SCAI: variants seen among roughly 807,000 people sequenced by gnomAD.
SCAI encodes the protein suppressor of cancer cell invasion, also known as protein SCAI.
A neutral mutation model predicts 92.2 loss-of-function variants in SCAI; 24 were observed. That is an observed-to-expected ratio of 0.26 (90% CI 0.19 to 0.37). The LOEUF is 0.37. Among genes scored for constraint, SCAI ranks in the 10% least tolerant of loss-of-function variants. SCAI has a pLI of 1.00. For synonymous variants in SCAI, 261 were observed against 258.6 expected (o/e 1.01, Z -0.09); for missense variants, 450 against 736.2 (o/e 0.61, Z 4.50).
chr9:125,035,456 G>T (rs771483512), intron 3 of SCAI, among the ~76,000 whole-genome samples: 3 of 152,154 alleles, frequency 2.0e-5, no homozygotes, highest in Non-Finnish European at 2.9e-5. Flanking sequence ...GAATCAAAGG[G>T]ATACCATCAA....
intron 2 of SCAI, among the ~76,000 whole-genome samples, chr9:125,140,819 A>C (rs1835649456): frequency 6.6e-6 from 1 of 151,560 alleles, no homozygotes; most frequent in Admixed American, 6.6e-5. Context: ...AGATTGCACC[A>C]CTGCACTACA....
At chr9:124,971,107 G>A (rs1266250601) in intron 17 of SCAI, among the ~76,000 whole-genome samples, 4 of 152,044 alleles carry the variant, frequency 2.6e-5, no homozygotes, top group Non-Finnish European at 5.9e-5. Context: ...GAGCCACCAC[G>A]GCCAGCCAGA....
At chr9:125,138,021 T>C (rs1489597581) in intron 2 of SCAI, among the ~76,000 whole-genome samples, 2 of 152,196 alleles carry the variant, frequency 1.3e-5, no homozygotes, top group South Asian at 2.1e-4. Flanking sequence ...AAAGCAACCA[T>C]TAGCAATGAT....
intron 17 of SCAI, among the ~76,000 whole-genome samples, chr9:124,971,002 A>G (rs1471995670): frequency 1.3e-5 from 2 of 151,886 alleles, no homozygotes. Flanking sequence ...TTTAGTAGAG[A>G]AGGAGTTTCA....
chr9:125,026,966 T>A (rs1832976532), intron 5 of SCAI, 56 bp from the exon 6 acceptor site: 1 of 1,027,560 alleles, frequency 9.7e-7, no homozygotes, highest in South Asian at 1.4e-5. Context: ...TTCACCATGG[T>A]AAATACTTGT....
At chr9:125,071,655 C>T (rs1833981826) in intron 2 of SCAI, among the ~76,000 whole-genome samples, 1 of 152,018 alleles carries the variant, frequency 6.6e-6, no homozygotes, top group Non-Finnish European at 1.5e-5. Context: ...ATCTAACACA[C>T]ACAATTACAC....
chr9:124,993,760 C>T (rs1040364302), intron 14 of SCAI, among the ~76,000 whole-genome samples: 1 of 152,004 alleles, frequency 6.6e-6, no homozygotes, highest in African/African-American at 2.4e-5. Flanking sequence ...AAAATGTATA[C>T]TTGGGGTCAG....
At chr9:125,131,219 AAC>A (rs1314092404) in intron 2 of SCAI, among the ~76,000 whole-genome samples, 1 of 151,772 alleles carries the variant, frequency 6.6e-6, no homozygotes, top group South Asian at 2.1e-4. Flanking sequence ...CAGCCTGGCC[AAC>A]ATGGTGAAAC....
chr9:124,985,327 T>A (rs1211299089), intron 14 of SCAI, among the ~76,000 whole-genome samples: 1 of 152,156 alleles, frequency 6.6e-6, no homozygotes, highest in East Asian at 1.9e-4. Context: ...AAGTCAGCCC[T>A]CCTGCATATT....
intron 6 of SCAI, among the ~76,000 whole-genome samples, chr9:125,024,979 A>C (rs1334146941): frequency 6.6e-6 from 1 of 152,246 alleles, no homozygotes; most frequent in African/African-American, 2.4e-5. Flanking sequence ...TTAGCTGTCA[A>C]GACAGTGCAG....
At chr9:125,095,799 GA>G (rs576862955) in intron 2 of SCAI, among the ~76,000 whole-genome samples, 39 of 152,312 alleles carry the variant, frequency 2.6e-4, no homozygotes, top group Admixed American at 2.2e-3. Context: ...AGAGCAACAA[GA>G]GAGAAGAAGC....
At chr9:125,022,919 C>T (rs1039717951) in intron 6 of SCAI, among the ~76,000 whole-genome samples, 20 of 151,910 alleles carry the variant, frequency 1.3e-4, no homozygotes, top group African/African-American at 4.1e-4. Flanking sequence ...CATTTTGTTA[C>T]TCACTTTCCC....
At chr9:125,142,796 C>A in intron 1 of SCAI, 119 bp from the exon 2 acceptor site, 3 of 820,850 alleles carry the variant, frequency 3.7e-6, no homozygotes, top group South Asian at 2.8e-5. Flanking sequence ...GCTCGCCAAG[C>A]CCAGATCTGA....
intron 3 of SCAI, among the ~76,000 whole-genome samples, chr9:125,030,744 T>C (rs900944384): frequency 2.6e-5 from 4 of 152,170 alleles, no homozygotes; most frequent in Admixed American, 2.0e-4. Context: ...AATGAACTTG[T>C]TGATTTATAC....
At position 125,111,090 on chromosome 9, in the gene SCAI, CA is replaced by C. The variant is rs1834919901; in HGVS notation, c.98+31542del. ...AACCTGAAGAAGGGCAGTGTATGTA[CA>C]AAATATAGATGTAAAAATCTTAAAA... On this transcript the variant is annotated intron_variant, in intron 2 of 17. Coordinates refer to ENST00000336505, the MANE Select transcript of SCAI (RefSeq NM_001144877.3). Among the ~76,000 whole-genome samples the C allele has an allele frequency of 3.3e-5, 5 of 151,850 alleles. No homozygotes were observed. In the South Asian group the frequency reaches 1.0e-3, roughly 32 times the overall value.
At chr9:125,098,189 G>A (rs1834604129) in intron 2 of SCAI, among the ~76,000 whole-genome samples, 1 of 151,766 alleles carries the variant, frequency 6.6e-6, no homozygotes, top group South Asian at 2.1e-4. Flanking sequence ...TCAGTAGCTG[G>A]GACTACAGAT....
At position 125,030,656 on chromosome 9, in the gene SCAI, G is replaced by A. The variant is rs188324721; in HGVS notation, c.231-917C>T. On this transcript the variant is annotated intron_variant, in intron 3 of 17. Transcript: ENST00000336505. ...TAGCAAGTAACTGTTACTGAAGGCT[G>A]GAAACAATGATGACCTATATAATGC... 1.2e-4 allele frequency among the ~76,000 whole-genome samples: 19 copies of A among 152,228 alleles called. 1 individual carries two copies. The East Asian group carries it at 3.5e-3, about 28-fold the overall frequency.
chr9:125,033,624 T>C (rs1833129086), intron 3 of SCAI, among the ~76,000 whole-genome samples: 1 of 152,168 alleles, frequency 6.6e-6, no homozygotes, highest in Non-Finnish European at 1.5e-5. Context: ...CAGGGTTCTT[T>C]TGGGGATAAT....
intron 3 of SCAI, among the ~76,000 whole-genome samples, chr9:125,040,470 G>A (rs1346407222): frequency 6.6e-6 from 1 of 152,124 alleles, no homozygotes; most frequent in East Asian, 1.9e-4. Context: ...ATAATGTCCT[G>A]CAACATGTCT....
Sources: allele counts gnomAD v4.1 joint callset (sites outside exome capture counted in the v4.1 genomes callset), GRCh38; gene constraint gnomAD v4.1.1; transcripts MANE v1.5; gene names NCBI Gene and HGNC (gene_info 2026-07-23, HGNC 2026-07-21).